Variants in GPC6 observed in about 807,000 individuals in gnomAD.
GPC6 encodes glypican-6.
Under a neutral mutation model 55.2 loss-of-function variants are expected in GPC6, and 14 were observed. The observed-to-expected ratio is 0.25, with a 90% confidence interval of 0.17 to 0.40. The LOEUF is 0.40. Ranked by LOEUF, GPC6 falls within the 10% of genes least tolerant of loss-of-function variation. GPC6 has a pLI of 1.00. For synonymous variants in GPC6, 278 were observed against 259.6 expected (o/e 1.07, Z -0.68); for missense variants, 641 against 708.5 (o/e 0.90, Z 1.08).
At chr13:94,314,383 A>G (rs1876411317) in intron 6 of GPC6, among the ~76,000 whole-genome samples, 1 of 152,232 alleles carries the variant, frequency 6.6e-6, no homozygotes, top group Non-Finnish European at 1.5e-5. Context: ...TTCCCTTCTT[A>G]AGCCAGAACT....
At position 94,224,551 on chromosome 13, in the gene GPC6, A is replaced by C. The variant is rs76301180; in HGVS notation, c.878-61798A>C. Among the ~76,000 whole-genome samples the C allele has an allele frequency of 6.9e-4, 105 of 152,082 alleles. 2 individuals carry two copies. The East Asian group carries it at 0.02, about 29-fold the overall frequency. On this transcript the variant is annotated intron_variant, in intron 4 of 8. Transcript: ENST00000377047. ...TAGGAAACAAAAAGAAGTCAGAAAG[A>C]CCCAAATCAGAACCATAAGGTGGAT... is the stretch of plus-strand genomic sequence containing the variant.
intron 3 of GPC6, among the ~76,000 whole-genome samples, chr13:93,875,456 AT>A (rs1198397381): frequency 6.6e-6 from 1 of 152,056 alleles, no homozygotes; most frequent in Non-Finnish European, 1.5e-5. Context: ...CATGTGATCA[AT>A]TCAAATGATC....
intron 2 of GPC6, among the ~76,000 whole-genome samples, chr13:93,598,105 C>T (rs892285871): frequency 4.0e-4 from 61 of 152,232 alleles, no homozygotes; most frequent in African/African-American, 1.4e-3. Flanking sequence ...GATCGTGCCA[C>T]TGCACTCCAG....
chr13:93,369,263 G>A (rs1881367730), intron 1 of GPC6, among the ~76,000 whole-genome samples: 1 of 151,956 alleles, frequency 6.6e-6, no homozygotes, highest in Non-Finnish European at 1.5e-5. Flanking sequence ...AGATTAAAAA[G>A]CATAATCCAA....
intron 2 of GPC6, among the ~76,000 whole-genome samples, chr13:93,673,858 A>G (rs1368537504): frequency 6.6e-6 from 1 of 152,164 alleles, no homozygotes; most frequent in Non-Finnish European, 1.5e-5. Context: ...TGCCTCACAC[A>G]TGAGAGATTT....
intron 2 of GPC6, among the ~76,000 whole-genome samples, chr13:93,799,587 T>C (rs1457416930): frequency 3.3e-5 from 5 of 152,212 alleles, no homozygotes; most frequent in East Asian, 1.9e-4. Flanking sequence ...GGGTGGATTA[T>C]CTGGCATAGT....
intron 4 of GPC6, among the ~76,000 whole-genome samples, chr13:94,180,496 C>T (rs772012023): frequency 6.6e-6 from 1 of 151,976 alleles, no homozygotes; most frequent in Non-Finnish European, 1.5e-5. Context: ...CAAGAGAAAT[C>T]GATGAATGAA....
At chr13:93,871,802 T>C (rs1889141027) in intron 3 of GPC6, among the ~76,000 whole-genome samples, 1 of 151,952 alleles carries the variant, frequency 6.6e-6, no homozygotes, top group South Asian at 2.1e-4. Context: ...AGAATCAGTT[T>C]GAGTGAAGGA....
Position 93,825,189 on chromosome 13 carries a change from G to T in GPC6, c.320-4965G>T, listed in dbSNP as rs567450080. Reference sequence around the variant, plus strand: ...TGGTCTTGTCCCCAAGAGGACATTTGATAATGTTTGATGACATTTTGGTTG... The same window carrying T: ...TGGTCTTGTCCCCAAGAGGACATTTTATAATGTTTGATGACATTTTGGTTG... On this transcript the variant is annotated intron_variant, in intron 2 of 8. Coordinates refer to ENST00000377047, the MANE Select transcript of GPC6 (RefSeq NM_005708.5). Among the ~76,000 whole-genome samples the T allele has an allele frequency of 5.9e-5, 9 of 152,260 alleles. No homozygotes were observed. In the East Asian group the frequency reaches 1.7e-3, roughly 29 times the overall value.
At chr13:93,979,800 A>G (rs568233693) in intron 3 of GPC6, among the ~76,000 whole-genome samples, 1 of 152,272 alleles carries the variant, frequency 6.6e-6, no homozygotes, top group South Asian at 2.1e-4. Flanking sequence ...AAGTCCATGT[A>G]TAGAGAACTA....
intron 2 of GPC6, among the ~76,000 whole-genome samples, chr13:93,704,627 A>T (rs1043666992): frequency 4.6e-5 from 7 of 151,990 alleles, no homozygotes; most frequent in African/African-American, 1.7e-4. Flanking sequence ...GGATGAAAGA[A>T]ATTTATCCAT....
In GPC6 at chr13:93,251,704, TGTG is replaced by T. The variant is rs1357579122; in HGVS notation, c.160+24092_160+24094del. On this transcript the variant is annotated intron_variant, in intron 1 of 8. Coordinates refer to ENST00000377047, the MANE Select transcript of GPC6 (RefSeq NM_005708.5). ...TCCTTTTCCCCATTCCTTCATGACA[TGTG>T]GTGATAAGAAATCTTCCTATTCCTT... Among the ~76,000 whole-genome samples, 14 of 152,294 alleles carry T rather than the reference TGTG, an allele frequency of 9.2e-5. No homozygotes were observed. In the South Asian group the frequency reaches 2.9e-3, roughly 32 times the overall value.
intron 2 of GPC6, among the ~76,000 whole-genome samples, chr13:93,796,625 CAA>C (rs1886205384): frequency 6.6e-6 from 1 of 152,154 alleles, no homozygotes; most frequent in Non-Finnish European, 1.5e-5. Context: ...AATTTCAAAA[CAA>C]AGATGGGGAG....
intron 4 of GPC6, among the ~76,000 whole-genome samples, chr13:94,279,855 A>G (rs1276562081): frequency 1.3e-5 from 2 of 152,112 alleles, no homozygotes; most frequent in African/African-American, 2.4e-5. Context: ...GGAGTGTTTT[A>G]CTTCCAATTA....
chr13:93,705,680 G>A (rs1882825230), intron 2 of GPC6, among the ~76,000 whole-genome samples: 1 of 151,692 alleles, frequency 6.6e-6, no homozygotes, highest in Non-Finnish European at 1.5e-5. Flanking sequence ...GAGAACCCCA[G>A]GACAGTCTCC....
chr13:93,854,651 C>A (rs534623508), intron 3 of GPC6, among the ~76,000 whole-genome samples: 1 of 151,666 alleles, frequency 6.6e-6, no homozygotes, highest in African/African-American at 2.4e-5. Context: ...CATGGAATAA[C>A]GTTTTAATTA....
chr13:93,231,062 C>T (rs917901967), intron 1 of GPC6, among the ~76,000 whole-genome samples: 2 of 151,670 alleles, frequency 1.3e-5, no homozygotes, highest in African/African-American at 4.8e-5. Flanking sequence ...ATAATATCAC[C>T]TTACTGAATT....
chr13:93,836,625 T>A (rs2892668), intron 3 of GPC6, among the ~76,000 whole-genome samples: 1 of 152,316 alleles, frequency 6.6e-6, no homozygotes, highest in South Asian at 2.1e-4. Context: ...TTATCAATGA[T>A]GTTTCTATGC....
chr13:94,317,093 A>G (rs1360438413), intron 6 of GPC6, among the ~76,000 whole-genome samples: 1 of 152,256 alleles, frequency 6.6e-6, no homozygotes. Context: ...GCTGACAGCA[A>G]CAGCAAACTT....
Sources: gnomAD v4.1 joint callset for allele counts (sites outside exome capture counted in the v4.1 genomes callset) on GRCh38, gnomAD v4.1.1 for gene constraint, MANE v1.5 for transcripts, NCBI Gene and HGNC (gene_info 2026-07-23, HGNC 2026-07-21) for gene names.